Variants in KIF26B observed in about 807,000 individuals in gnomAD.
The protein encoded by KIF26B is kinesin-like protein KIF26B.
KIF26B carries 63 observed loss-of-function variants against 151.2 expected under a neutral mutation model. The ratio of observed to expected loss-of-function variants is 0.42; its 90% CI spans 0.34 to 0.51. The LOEUF is 0.51. Among genes scored for constraint, KIF26B ranks in the 20% least tolerant of loss-of-function variants. KIF26B has a pLI of 0.07. For synonymous variants in KIF26B, 1,357 were observed against 1,262.1 expected (o/e 1.08, Z -1.59); for missense variants, 2,813 against 2,913.6 (o/e 0.97, Z 0.79).
chr1:245,204,507 G>T (rs1669361088), intron 2 of KIF26B, among the ~76,000 whole-genome samples: 1 of 151,990 alleles, frequency 6.6e-6, no homozygotes, highest in African/African-American at 2.4e-5. Flanking sequence ...CTGAGTAGCT[G>T]GGATTACAAG....
intron 2 of KIF26B, among the ~76,000 whole-genome samples, chr1:245,177,077 C>G (rs1205608658): frequency 6.6e-6 from 1 of 152,212 alleles, no homozygotes; most frequent in Non-Finnish European, 1.5e-5. Flanking sequence ...GCCTCAGCCT[C>G]CTGAGTAGCT....
intron 4 of KIF26B, among the ~76,000 whole-genome samples, chr1:245,513,433 T>C (rs996238025): frequency 1.1e-4 from 17 of 151,594 alleles, no homozygotes; most frequent in Non-Finnish European, 1.5e-4. Context: ...GAGAGACAGG[T>C]GGGTTGTCTC....
At chr1:245,230,512 GCGGGTGGATCAC>G (rs908872640) in intron 2 of KIF26B, among the ~76,000 whole-genome samples, 8 of 152,202 alleles carry the variant, frequency 5.3e-5, no homozygotes, top group African/African-American at 1.9e-4. Context: ...GGAGGCCGAG[GCGGGTGGATCAC>G]CTGAGGTCGG....
intron 2 of KIF26B, among the ~76,000 whole-genome samples, chr1:245,200,224 G>A (rs1010639293): frequency 6.6e-6 from 1 of 152,320 alleles, no homozygotes; most frequent in Non-Finnish European, 1.5e-5. Flanking sequence ...GCTCAGCAAA[G>A]GATGTAGGGC....
At chr1:245,307,026 C>T (rs1376697384) in intron 2 of KIF26B, among the ~76,000 whole-genome samples, 1 of 152,164 alleles carries the variant, frequency 6.6e-6, no homozygotes, top group African/African-American at 2.4e-5. Context: ...AAGAACAATG[C>T]AGGATCAAAC....
rs191886716 is a variant in KIF26B, at chr1:245,596,186, C to G, written c.1351-6391C>G. ...AGTTCTGCTCTGATCTTAGTTATTT[C>G]TTGCCTTCTGCTAGCTTTTGAATCT... is the stretch of plus-strand genomic sequence containing the variant. On this transcript the variant is annotated intron_variant, in intron 5 of 14. Coordinates refer to ENST00000407071, the MANE Select transcript of KIF26B (RefSeq NM_018012.4). Among the ~76,000 whole-genome samples, 609 of 152,176 alleles carry G rather than the reference C, an allele frequency of 4.0e-3. 7 individuals are homozygous for G. Among genetic ancestry groups the G allele is most frequent in the African/African-American group, 0.014 (588 of 41,510 alleles).
intron 5 of KIF26B, among the ~76,000 whole-genome samples, chr1:245,561,338 C>T (rs1464263949): frequency 6.6e-6 from 1 of 152,170 alleles, no homozygotes; most frequent in Admixed American, 6.5e-5. Context: ...GTGTGTACCT[C>T]CCCTCTTCCC....
intron 2 of KIF26B, among the ~76,000 whole-genome samples, chr1:245,336,908 G>A (rs1672245713): frequency 6.6e-6 from 1 of 152,172 alleles, no homozygotes; most frequent in African/African-American, 2.4e-5. Context: ...AACAGTTGAA[G>A]AAGCAGTTTT....
intron 2 of KIF26B, among the ~76,000 whole-genome samples, chr1:245,161,944 T>C (rs1668536557): frequency 6.6e-6 from 1 of 152,014 alleles, no homozygotes; most frequent in Non-Finnish European, 1.5e-5. Flanking sequence ...GGTTCTGAGT[T>C]GAGGAATTGT....
rs1660861905 is a variant in KIF26B, at chr1:245,512,640, TA to T, written c.1167-28126del. On this transcript the variant is annotated intron_variant, in intron 4 of 14. Transcript: ENST00000407071. The surrounding 1 kb of genome is among the most constrained non-coding windows in gnomAD (Gnocchi z 4.3). ...CGGATTCCTGCTGGCCAAATGCACCTAGGGCCACGCCTTCTAAAATATGTCC... is the reference window on the plus strand; with the variant it reads ...CGGATTCCTGCTGGCCAAATGCACCTGGGCCACGCCTTCTAAAATATGTCC... Among the ~76,000 whole-genome samples the T allele has an allele frequency of 6.6e-6, 1 of 152,188 alleles. No individual in the cohort carries two copies. The highest frequency in any genetic ancestry group is 2.4e-5 in the African/African-American group (1 of 41,444).
At chr1:245,481,899 G>A (rs1181506667) in intron 4 of KIF26B, among the ~76,000 whole-genome samples, 2 of 151,588 alleles carry the variant, frequency 1.3e-5, no homozygotes, top group Non-Finnish European at 3.0e-5. Context: ...ACCTTTCACT[G>A]GTAGCACAGC....
chr1:245,512,116 C>T lies in KIF26B; in HGVS notation c.1167-28651C>T, dbSNP rs570740097. Among the ~76,000 whole-genome samples, 72 of 152,220 alleles carry T rather than the reference C, an allele frequency of 4.7e-4. No individual in the cohort carries two copies. The highest frequency in any genetic ancestry group is 1.2e-3 in the African/African-American group (51 of 41,560). ...TGCAACTTTTTAAAAAAAGTCCATACGGTAATGTTAATGCAGCTATTTCTG... is the reference window on the plus strand; with the variant it reads ...TGCAACTTTTTAAAAAAAGTCCATATGGTAATGTTAATGCAGCTATTTCTG... On this transcript the variant is annotated intron_variant, in intron 4 of 14. Coordinates refer to ENST00000407071, the MANE Select transcript of KIF26B (RefSeq NM_018012.4). This position sits in a 1 kb window ranked among gnomAD's most constrained non-coding sequence, Gnocchi z 4.3.
At position 245,465,107 on chromosome 1, in the gene KIF26B, C is replaced by T. The variant is rs528577031; in HGVS notation, c.1166+45362C>T. ...CATTCTCCTGCCTCAGCCTCCCGAGCAGCTGGGACTACAGGCGCCCGCCAC... is the reference window on the plus strand; with the variant it reads ...CATTCTCCTGCCTCAGCCTCCCGAGTAGCTGGGACTACAGGCGCCCGCCAC... On this transcript the variant is annotated intron_variant, in intron 4 of 14. Coordinates refer to ENST00000407071, the MANE Select transcript of KIF26B (RefSeq NM_018012.4). Among the ~76,000 whole-genome samples, 17 of 140,058 alleles carry T rather than the reference C, an allele frequency of 1.2e-4. No individual in the cohort carries two copies. In the South Asian group the frequency reaches 1.4e-3, roughly 12 times the overall value. 91.9% of individuals were successfully genotyped at this position (140,058 alleles called of 152,430 possible). A position where few individuals can be genotyped will look rare whatever the true frequency, so the allele number is the denominator to read the frequency against.
intron 2 of KIF26B, among the ~76,000 whole-genome samples, chr1:245,361,869 T>C (rs1420559021): frequency 6.6e-6 from 1 of 152,094 alleles, no homozygotes; most frequent in Non-Finnish European, 1.5e-5. Context: ...TTGGGGACTT[T>C]AGTCCATGCA....
chr1:245,662,791 T>C (rs1313273977), intron 10 of KIF26B, among the ~76,000 whole-genome samples: 1 of 23,222 alleles, frequency 4.3e-5, no homozygotes, highest in Non-Finnish European at 1.1e-4. Flanking sequence ...GCCCTGGGTA[T>C]AAACAGATCT....
chr1:245,686,464 C>T lies in KIF26B; in HGVS notation c.3481C>T (p.Pro1161Ser). 6.2e-7 allele frequency: 1 copy of T among 1,613,236 alleles called. No individual in the cohort carries two copies. Among genetic ancestry groups the T allele is most frequent in the East Asian group, 2.2e-5 (1 of 44,868 alleles). The change falls in exon 12 of 15, where the codon CCT (proline) becomes TCT (serine). Residue 1161 changes from proline to serine, a missense_variant. By Grantham distance (74) the Pro-to-Ser change is moderately conservative. Transcript: ENST00000407071. This position sits in a 1 kb window ranked among gnomAD's most constrained non-coding sequence, Gnocchi z 5.6. ...PVDDEQQAAT[P>S]SESKKEILST... The stretch of plus-strand genomic sequence containing the variant: ...CGATGATGAGCAGCAGGCAGCTACT[C>T]CTTCAGAGTCCAAGAAGGAGATCCT...
rs984079834 is a variant in KIF26B, at chr1:245,495,666, C to T, written c.1167-45101C>T. Among the ~76,000 whole-genome samples, 3 of 152,118 alleles carry T rather than the reference C, an allele frequency of 2.0e-5. No individual in the cohort carries two copies. The highest frequency in any genetic ancestry group is 7.2e-5 in the African/African-American group (3 of 41,408). ...CTCCCCATCCACCTCTCCTTCCTAC[C>T]TTTCTCAGCCTCTAACACCTAAAAT... On this transcript the variant is annotated intron_variant, in intron 4 of 14. Transcript: ENST00000407071. The surrounding 1 kb of genome is among the most constrained non-coding windows in gnomAD (Gnocchi z 4.2).
intron 4 of KIF26B, among the ~76,000 whole-genome samples, chr1:245,531,250 T>G (rs2103096861): frequency 6.6e-6 from 1 of 152,332 alleles, no homozygotes; most frequent in Middle Eastern, 3.4e-3. Flanking sequence ...TGATTATCAT[T>G]TGGTTTTATT....
At chr1:245,327,247 G>A (rs1025638530) in intron 2 of KIF26B, among the ~76,000 whole-genome samples, 2 of 152,126 alleles carry the variant, frequency 1.3e-5, no homozygotes, top group African/African-American at 4.8e-5. Context: ...GGACCATTAC[G>A]ATTTCTTTCT....
Sources: allele counts gnomAD v4.1 joint callset (sites outside exome capture counted in the v4.1 genomes callset), GRCh38; gene constraint gnomAD v4.1.1; non-coding constraint Gnocchi (gnomAD v3.1); transcripts MANE v1.5; gene names NCBI Gene and HGNC (gene_info 2026-07-23, HGNC 2026-07-21).